Variants in MORC3 observed in about 807,000 individuals in gnomAD.
MORC3 encodes MORC family CW-type zinc finger protein 3.
In MORC3, 31 loss-of-function variants were observed where a neutral mutation model predicts 109.1. The ratio of observed to expected loss-of-function variants is 0.28; its 90% CI spans 0.21 to 0.38. The LOEUF is 0.38. Among genes scored for constraint, MORC3 ranks in the 10% least tolerant of loss-of-function variants. MORC3 has a pLI of 1.00. For synonymous variants in MORC3, 395 were observed against 380.7 expected (o/e 1.04, Z -0.44); for missense variants, 867 against 1,135.8 (o/e 0.76, Z 3.40).
intron 1 of MORC3, among the ~76,000 whole-genome samples, chr21:36,326,400 A>G (rs1030640408): frequency 2.0e-5 from 3 of 151,294 alleles, no homozygotes; most frequent in Non-Finnish European, 4.4e-5. Context: ...GTGACACACA[A>G]CCGTGGTCCC....
At chr21:36,372,646 G>T (rs1264023671) in intron 16 of MORC3, 115 bp downstream of exon 16, 1 of 1,097,400 alleles carries the variant, frequency 9.1e-7, no homozygotes, top group Non-Finnish European at 1.2e-6. Context: ...GTTATTGATG[G>T]TCTGCTGTGA....
intron 2 of MORC3, among the ~76,000 whole-genome samples, chr21:36,336,483 A>T (rs888006314): frequency 6.6e-6 from 1 of 152,012 alleles, no homozygotes; most frequent in African/African-American, 2.4e-5. Context: ...ACCTCAGGTG[A>T]TCTGCCCGCC....
intron 12 of MORC3, 71 bp from the exon 13 acceptor site, chr21:36,362,112 A>G (rs2085723945): frequency 2.7e-6 from 4 of 1,487,196 alleles, no homozygotes; most frequent in African/African-American, 1.4e-5. Flanking sequence ...TAGTAACTGC[A>G]TAAATGGCAG....
chr21:36,359,423 C>T (rs186403862), intron 10 of MORC3, among the ~76,000 whole-genome samples: 23 of 152,154 alleles, frequency 1.5e-4, no homozygotes, highest in Admixed American at 5.9e-4. Context: ...GTGTATGCCA[C>T]CACACCCAGC....
chr21:36,353,753 G>GTTTTTT (rs1334368761), intron 9 of MORC3, among the ~76,000 whole-genome samples: 5 of 26,398 alleles, frequency 1.9e-4, no homozygotes, highest in East Asian at 3.1e-3. Flanking sequence ...GCTAATTTTT[G>GTTTTTT]TATTTTTTTT....
chr21:36,375,406 T>G lies in MORC3; in HGVS notation c.*110T>G. The G allele has an allele frequency of 1.0e-6, 1 of 969,016 alleles. No individual in the cohort carries two copies. The highest frequency in any genetic ancestry group is 1.5e-6 in the Non-Finnish European group (1 of 671,870). 60.0% of individuals were successfully genotyped at this position (969,016 alleles called of 1,614,324 possible). On this transcript the variant is annotated 3_prime_UTR_variant, in exon 17 of 17. Transcript: ENST00000400485. ...ATGATAGGCAACAGACTGAAAACCATAATCTTTACTGTATTCTATGCATTC... is the reference window on the plus strand; with the variant it reads ...ATGATAGGCAACAGACTGAAAACCAGAATCTTTACTGTATTCTATGCATTC...
Position 36,338,939 on chromosome 21 carries a change from T to C in MORC3, c.608+18T>C, listed in dbSNP as rs752764500. ...CTTAGAAGGTAAACGTGGACATAGA[T>C]GTTGACCGTTTGGGAAGTAAAGTGC... is the stretch of plus-strand genomic sequence containing the variant. On this transcript the variant is annotated intron_variant, in intron 5 of 16. Transcript: ENST00000400485. The C allele has an allele frequency of 4.3e-6, 7 of 1,611,866 alleles. No individual in the cohort carries two copies. In the South Asian group the frequency reaches 6.6e-5, roughly 15 times the overall value.
chr21:36,370,060 C>T (rs766808992), intron 15 of MORC3, among the ~76,000 whole-genome samples, 184 bp downstream of exon 15: 34 of 152,032 alleles, frequency 2.2e-4, no homozygotes, highest in African/African-American at 4.6e-4. Context: ...GGTGAAACCC[C>T]GTTTCTACTA....
At chr21:36,335,467 C>T (rs549541756) in intron 2 of MORC3, among the ~76,000 whole-genome samples, 3 of 151,898 alleles carry the variant, frequency 2.0e-5, no homozygotes, top group African/African-American at 7.3e-5. Flanking sequence ...AGGCACATGC[C>T]ACCGCTCCTG....
At chr21:36,364,324 G>C (rs74726451) in intron 14 of MORC3, 65 bp downstream of exon 14, 1 of 1,509,084 alleles carries the variant, frequency 6.6e-7, no homozygotes, top group Non-Finnish European at 9.1e-7. Context: ...TGACACTTCT[G>C]TGACAGTGAT....
chr21:36,342,546 G>C (rs1489864910), intron 6 of MORC3, among the ~76,000 whole-genome samples: 1 of 152,040 alleles, frequency 6.6e-6, no homozygotes, highest in Non-Finnish European at 1.5e-5. Context: ...GGGACTGCAG[G>C]CGTGTGCCAC....
intron 15 of MORC3, among the ~76,000 whole-genome samples, chr21:36,370,286 A>G (rs757077426): frequency 5.3e-5 from 8 of 152,080 alleles, no homozygotes; most frequent in African/African-American, 1.2e-4. Context: ...CTGTTATTCT[A>G]CTGGTTCTCA....
chr21:36,363,032 C>A (rs573906479), intron 13 of MORC3, among the ~76,000 whole-genome samples: 1 of 152,268 alleles, frequency 6.6e-6, no homozygotes, highest in African/African-American at 2.4e-5. Context: ...TGGCCTCTCT[C>A]TTCTGTCTTA....
intron 12 of MORC3, among the ~76,000 whole-genome samples, chr21:36,361,229 C>T (rs2085711059): frequency 6.6e-6 from 1 of 151,908 alleles, no homozygotes; most frequent in Non-Finnish European, 1.5e-5. Context: ...TAGTGAAATC[C>T]AGCAATAGTA....
At chr21:36,366,569 C>A (rs573409195) in intron 14 of MORC3, among the ~76,000 whole-genome samples, 5 of 152,188 alleles carry the variant, frequency 3.3e-5, no homozygotes, top group African/African-American at 1.2e-4. Flanking sequence ...ACTCCCCTGC[C>A]TCAGCCTCCT....
intron 1 of MORC3, among the ~76,000 whole-genome samples, chr21:36,321,342 CT>C (rs1469331015): frequency 1.3e-5 from 2 of 152,018 alleles, no homozygotes; most frequent in Non-Finnish European, 2.9e-5. Flanking sequence ...ATGTATTAGT[CT>C]TTGTGGTTTT....
chr21:36,341,809 A>G (rs1334651547), intron 6 of MORC3, among the ~76,000 whole-genome samples: 1 of 152,232 alleles, frequency 6.6e-6, no homozygotes, highest in Non-Finnish European at 1.5e-5. Context: ...TGAAGTCGTC[A>G]GGCCTAACAA....
intron 15 of MORC3, among the ~76,000 whole-genome samples, chr21:36,371,077 G>A (rs923700568): frequency 1.3e-5 from 2 of 152,126 alleles, no homozygotes; most frequent in African/African-American, 4.8e-5. Context: ...GGAGAAAAAC[G>A]ATAAATACCA....
intron 2 of MORC3, among the ~76,000 whole-genome samples, chr21:36,336,262 A>G (rs1335302979): frequency 6.8e-6 from 1 of 146,318 alleles, no homozygotes; most frequent in South Asian, 2.2e-4. Flanking sequence ...TTGTTTTTGG[A>G]GACAGAGTCT....
Sources: gnomAD v4.1 joint callset for allele counts (sites outside exome capture counted in the v4.1 genomes callset) on GRCh38, gnomAD v4.1.1 for gene constraint, MANE v1.5 for transcripts, NCBI Gene and HGNC (gene_info 2026-07-23, HGNC 2026-07-21) for gene names.